KCNAB1: variants seen among roughly 807,000 people sequenced by gnomAD.
The protein encoded by KCNAB1 is voltage-gated potassium channel subunit beta-1.
Under a neutral mutation model 64.6 loss-of-function variants are expected in KCNAB1, and 35 were observed. The ratio of observed to expected loss-of-function variants is 0.54; its 90% CI spans 0.41 to 0.72. KCNAB1 has a LOEUF of 0.72. KCNAB1 is among the 30% of genes least tolerant of loss of function. The pLI, the probability that KCNAB1 is intolerant of heterozygous loss-of-function variation, is 0.00. For synonymous variants in KCNAB1, 177 were observed against 183.8 expected, an observed-to-expected ratio of 0.96 and a Z score of 0.30; for missense variants, 401 against 512.9, an observed-to-expected ratio of 0.78 and a Z score of 2.11.
intron 1 of KCNAB1, among the ~76,000 whole-genome samples, chr3:156,416,014 T>C (rs1715046130): frequency 6.6e-6 from 1 of 152,196 alleles, no homozygotes; most frequent in South Asian, 2.1e-4. Flanking sequence ...ATCAGAAACC[T>C]GAGAATGGCC....
intron 8 of KCNAB1, among the ~76,000 whole-genome samples, chr3:156,498,610 T>C (rs1236736049): frequency 6.6e-6 from 1 of 152,252 alleles, no homozygotes; most frequent in East Asian, 1.9e-4. Flanking sequence ...GTCTCAGTTA[T>C]GTCTTTATCA....
At chr3:156,368,635 T>C (rs1726104167) in intron 1 of KCNAB1, among the ~76,000 whole-genome samples, 1 of 152,226 alleles carries the variant, frequency 6.6e-6, no homozygotes, top group Non-Finnish European at 1.5e-5. Flanking sequence ...ATGGCATCAA[T>C]GTGCCTGGGA....
At chr3:156,505,159 A>G (rs1716750904) in intron 8 of KCNAB1, among the ~76,000 whole-genome samples, 1 of 152,198 alleles carries the variant, frequency 6.6e-6, no homozygotes, top group African/African-American at 2.4e-5. Context: ...TATTTATTGA[A>G]GAGAATTCCC....
intron 1 of KCNAB1, among the ~76,000 whole-genome samples, chr3:156,321,062 C>T (rs192229395): frequency 4.3e-4 from 65 of 152,284 alleles, no homozygotes; most frequent in African/African-American, 1.4e-3. Flanking sequence ...AATAGGTCGG[C>T]ACAAGTGCTT....
intron 1 of KCNAB1, among the ~76,000 whole-genome samples, chr3:156,416,957 TAA>T (rs938604101): frequency 6.6e-6 from 1 of 152,206 alleles, no homozygotes; most frequent in African/African-American, 2.4e-5. Flanking sequence ...AAGGTAAGAA[TAA>T]AAGTTTTGTT....
intron 1 of KCNAB1, among the ~76,000 whole-genome samples, chr3:156,364,228 C>T (rs190166080): frequency 6.6e-6 from 1 of 152,278 alleles, no homozygotes; most frequent in East Asian, 1.9e-4. Context: ...TTTGCATAGA[C>T]CTTTACTCTC....
intron 1 of KCNAB1, among the ~76,000 whole-genome samples, chr3:156,314,268 C>T (rs562604550): frequency 7.8e-5 from 11 of 140,474 alleles, no homozygotes; most frequent in Admixed American, 1.3e-4. Context: ...ATGTTAGGTG[C>T]GGTGTCAAAA....
chr3:156,125,408 C>T (rs1468548009), intron 1 of KCNAB1, among the ~76,000 whole-genome samples: 6 of 152,160 alleles, frequency 3.9e-5, no homozygotes, highest in Non-Finnish European at 7.4e-5. Context: ...TCACCAAAAG[C>T]TTTTTAAGGA....
intron 1 of KCNAB1, among the ~76,000 whole-genome samples, chr3:156,284,242 T>G (rs966035172): frequency 6.6e-6 from 1 of 152,138 alleles, no homozygotes; most frequent in African/African-American, 2.4e-5. Context: ...GGTGTCAGTG[T>G]GCCCCTGCTG....
At position 156,191,930 on chromosome 3, in the gene KCNAB1, T is replaced by C. The variant is rs1002203401; in HGVS notation, c.275+71044T>C. Among the ~76,000 whole-genome samples, 3 of 152,206 alleles carry C rather than the reference T, an allele frequency of 2.0e-5. No homozygotes were observed. In the East Asian group the frequency reaches 5.8e-4, roughly 29 times the overall value. On this transcript the variant is annotated intron_variant, in intron 1 of 13. Transcript: ENST00000490337. ...ACTCTGATTCTCCAAATGTTTTCCT[T>C]TACTGTTGGCTAATACCTAAAGTTT...
chr3:156,199,822 A>G lies in KCNAB1; in HGVS notation c.275+78936A>G, dbSNP rs149934784. Among the ~76,000 whole-genome samples the G allele has an allele frequency of 9.1e-3, 1,383 of 152,304 alleles. 33 individuals carry two copies. Among genetic ancestry groups the G allele is most frequent in the African/African-American group, 0.031 (1,276 of 41,554 alleles). On this transcript the variant is annotated intron_variant, in intron 1 of 13. Coordinates refer to ENST00000490337, the MANE Select transcript of KCNAB1 (RefSeq NM_172160.3). Reference sequence around the variant, plus strand: ...CACCTTCTGAAGCCTGCTTCTGTCAATTCATCAAACTCATTATCCATCCAG... The same window carrying G: ...CACCTTCTGAAGCCTGCTTCTGTCAGTTCATCAAACTCATTATCCATCCAG...
chr3:156,163,322 T>C (rs1716189539), intron 1 of KCNAB1, among the ~76,000 whole-genome samples: 1 of 152,144 alleles, frequency 6.6e-6, no homozygotes, highest in Non-Finnish European at 1.5e-5. Flanking sequence ...CTTAAGGTTG[T>C]CTTTGTTTTA....
At chr3:156,180,644 G>T (rs1712741659) in intron 1 of KCNAB1, among the ~76,000 whole-genome samples, 2 of 151,848 alleles carry the variant, frequency 1.3e-5, no homozygotes, top group South Asian at 4.2e-4. Flanking sequence ...ACTGCTTTTT[G>T]AATACCTACC....
chr3:156,140,517 A>G (rs1714647442), intron 1 of KCNAB1, among the ~76,000 whole-genome samples: 1 of 152,150 alleles, frequency 6.6e-6, no homozygotes, highest in South Asian at 2.1e-4. Flanking sequence ...TTATAAGGGC[A>G]TTAATCCTAT....
chr3:156,378,373 T>C (rs1202970348), intron 1 of KCNAB1, among the ~76,000 whole-genome samples: 1 of 152,160 alleles, frequency 6.6e-6, no homozygotes, highest in Non-Finnish European at 1.5e-5. Context: ...GGCAGACACC[T>C]CCAGCCTGAA....
At chr3:156,327,760 A>C (rs1269632955) in intron 1 of KCNAB1, among the ~76,000 whole-genome samples, 3 of 152,138 alleles carry the variant, frequency 2.0e-5, no homozygotes, top group African/African-American at 7.2e-5. Context: ...GGAAATGGAG[A>C]AGACAAAGAT....
chr3:156,132,601 C>A (rs1418001353), intron 1 of KCNAB1, among the ~76,000 whole-genome samples: 1 of 152,154 alleles, frequency 6.6e-6, no homozygotes, highest in Admixed American at 6.5e-5. Context: ...TCTCAGGAGG[C>A]AGGATCAGGC....
At chr3:156,376,154 A>G (rs1207221314) in intron 1 of KCNAB1, among the ~76,000 whole-genome samples, 1 of 152,198 alleles carries the variant, frequency 6.6e-6, no homozygotes, top group Non-Finnish European at 1.5e-5. Context: ...TTAACTGAAC[A>G]TCTACTATGT....
At chr3:156,257,609 C>G (rs1560161925) in intron 1 of KCNAB1, among the ~76,000 whole-genome samples, 1 of 152,164 alleles carries the variant, frequency 6.6e-6, no homozygotes, top group Admixed American at 6.5e-5. Context: ...TACTAGTCAT[C>G]ATGGAGCACT....
Sources: gnomAD v4.1 joint callset for allele counts (sites outside exome capture counted in the v4.1 genomes callset) on GRCh38, gnomAD v4.1.1 for gene constraint, MANE v1.5 for transcripts, NCBI Gene and HGNC (gene_info 2026-07-23, HGNC 2026-07-21) for gene names.